Variants in CLPSL1 observed in about 807,000 individuals in gnomAD.
The protein encoded by CLPSL1 is colipase-like protein 1.
A neutral mutation model predicts 9.3 loss-of-function variants in CLPSL1; 13 were observed. That is an observed-to-expected ratio of 1.40 (90% CI 0.91 to 2.22). The LOEUF (loss-of-function observed/expected upper bound fraction) is 2.22, where lower values mean the gene tolerates loss of function less well. Among genes scored for constraint, CLPSL1 ranks in the 30% most tolerant of loss-of-function variants. The pLI is 0.00. For synonymous variants in CLPSL1, 58 were observed against 56.9 expected, an observed-to-expected ratio of 1.02 and a Z score of -0.08; for missense variants, 164 against 146.6, an observed-to-expected ratio of 1.12 and a Z score of -0.61.
rs537996603 is a variant in CLPSL1, at chr6:35,793,251, C to T, written c.82-237C>T. The stretch of plus-strand genomic sequence containing the variant: ...TCAGCCTGGCCAACATGGTGAAACC[C>T]TGTCTCTACTAAAAATGCAAAAAAT... On this transcript the variant is annotated intron_variant, in intron 1 of 1. Transcript: ENST00000428710. 2.9e-3 allele frequency among the ~76,000 whole-genome samples: 440 copies of T among 152,300 alleles called. 3 individuals are homozygous for T. The highest frequency in any genetic ancestry group is 9.6e-3 in the African/African-American group (397 of 41,550).
chr6:35,792,078 T>C (rs903014890), downstream of CLPSL1, among the ~76,000 whole-genome samples: 20 of 147,694 alleles, frequency 1.4e-4, no homozygotes, highest in Non-Finnish European at 2.6e-4. Flanking sequence ...AGAGACAGAC[T>C]CCATCTTCCC....
Position 35,786,903 on chromosome 6 carries a change from C to T in CLPSL1, c.100-95C>T, listed in dbSNP as rs368347228. 6 of 1,443,244 alleles carry T rather than the reference C, an allele frequency of 4.2e-6. No individual in the cohort carries two copies. The East Asian group carries it at 1.2e-4, about 30-fold the overall frequency. 89.4% of individuals were successfully genotyped at this position (1,443,244 alleles called of 1,614,324 possible). A position where few individuals can be genotyped will look rare whatever the true frequency, so the allele number is the denominator to read the frequency against. ...CCAGAGGTGATGGTGGGAGCAGAGT[C>T]TGGGGAGGAGCCCCGTAGGGAGAAA... is the stretch of plus-strand genomic sequence containing the variant. On this transcript the variant is annotated intron_variant, in intron 1 of 2. Transcript: ENST00000373861.
At chr6:35,790,759 G>C (rs1467292136), downstream of CLPSL1, among the ~76,000 whole-genome samples, 2 of 152,268 alleles carry the variant, frequency 1.3e-5, no homozygotes, top group African/African-American at 4.8e-5. Context: ...AAACTCCTGG[G>C]AGGGGGATTT....
At chr6:35,788,412 G>A (rs1036377798), downstream of CLPSL1, among the ~76,000 whole-genome samples, 2 of 152,212 alleles carry the variant, frequency 1.3e-5, no homozygotes, top group African/African-American at 4.8e-5. Flanking sequence ...CCAGTTCCAC[G>A]ACCTTAAATT....
At chr6:35,789,367 T>C (rs1398124754), downstream of CLPSL1, among the ~76,000 whole-genome samples, 3 of 152,256 alleles carry the variant, frequency 2.0e-5, no homozygotes, top group Non-Finnish European at 4.4e-5. Context: ...CAATAAATGG[T>C]GTTGGGAAAA....
At chr6:35,784,330 T>C (rs1215412739) in intron 1 of CLPSL1, among the ~76,000 whole-genome samples, 1 of 152,198 alleles carries the variant, frequency 6.6e-6, no homozygotes, top group African/African-American at 2.4e-5. Context: ...CCTCCAGTAA[T>C]AGGCTTCATA....
At chr6:35,789,230 A>G (rs80203633), downstream of CLPSL1, among the ~76,000 whole-genome samples, 111 of 152,376 alleles carry the variant, frequency 7.3e-4, 1 homozygote, top group East Asian at 0.02. Context: ...TCCCAAGGAT[A>G]CCCAATGTCA....
chr6:35,785,424 G>C (rs928510360), intron 1 of CLPSL1, among the ~76,000 whole-genome samples: 1 of 151,924 alleles, frequency 6.6e-6, no homozygotes. Flanking sequence ...TGATCTGCCC[G>C]CCTCGGCCTC....
chr6:35,792,883 GCTC>G (rs1442843231), downstream of CLPSL1, among the ~76,000 whole-genome samples: 1 of 152,248 alleles, frequency 6.6e-6, no homozygotes, highest in African/African-American at 2.4e-5. Context: ...GGTATTGAAA[GCTC>G]CTCTTGTTGA....
At chr6:35,786,918 G>A (rs1768085499) in intron 1 of CLPSL1, 80 bp from the exon 2 acceptor site, 10 of 1,507,080 alleles carry the variant, frequency 6.6e-6, no homozygotes, top group South Asian at 2.4e-5. Flanking sequence ...GAGGAGCCCC[G>A]TAGGGAGAAA....
intron 1 of CLPSL1, among the ~76,000 whole-genome samples, chr6:35,793,299 C>T (rs1768257006): frequency 6.6e-6 from 1 of 152,216 alleles, no homozygotes. Context: ...GTGGCAGGCG[C>T]CTGTAGTCCC....
downstream of CLPSL1, among the ~76,000 whole-genome samples, chr6:35,792,114 T>C (rs1308771095): frequency 6.6e-6 from 1 of 151,820 alleles, no homozygotes; most frequent in African/African-American, 2.4e-5. Flanking sequence ...AATAAATAAA[T>C]AAATAAATAA....
intron 1 of CLPSL1, among the ~76,000 whole-genome samples, chr6:35,781,702 T>TG (rs766375536): frequency 8.0e-5 from 12 of 149,304 alleles, no homozygotes; most frequent in Admixed American, 5.4e-4. Context: ...GCTGTGGGAG[T>TG]GGTGGTGTGA....
rs190352344 is a variant in CLPSL1 at position 35,783,226 on chromosome 6, T to C, written c.99+2017T>C. Among the ~76,000 whole-genome samples the C allele has an allele frequency of 2.1e-3, 320 of 152,270 alleles. 4 individuals are homozygous for C. Among genetic ancestry groups the C allele is most frequent in the East Asian group, 1.7e-3 (9 of 5,182 alleles). ...ACAGTATGTACTTTTAAAAAAAAAT[T>C]TGGGCCAGGCGCAGTGGCTCACGCC... On this transcript the variant is annotated intron_variant, in intron 1 of 2. Transcript: ENST00000373861.
chr6:35,787,063 C>G lies in CLPSL1; in HGVS notation c.165C>G (p.Asp55Glu). 1 of 1,606,570 alleles carries G rather than the reference C, an allele frequency of 6.2e-7. No homozygotes were observed. The highest frequency in any genetic ancestry group is 1.1e-5 in the South Asian group (1 of 89,096). ...CTGGCTGCTGCCAACGTGCTCCAGA[C>G]AATTGCGAGTCGCACTGCGCGGAGA... ...CETGCCQRAP[D>E]NCESHCAEKG... Residue 55 changes from aspartate to glutamate, a missense_variant, in exon 2 of 3, where the codon GAC becomes GAG. Asp to Glu is a conservative substitution (Grantham distance 45, BLOSUM62 2). Transcript: ENST00000373861.
chr6:35,788,683 C>T (rs1026754052), downstream of CLPSL1, among the ~76,000 whole-genome samples: 2 of 152,052 alleles, frequency 1.3e-5, no homozygotes, highest in Non-Finnish European at 2.9e-5. Flanking sequence ...AAAAGAGGGA[C>T]AAGAAAAGAA....
At chr6:35,788,173 C>G, downstream of CLPSL1, 1 of 466,102 alleles carries the variant, frequency 2.1e-6, no homozygotes, top group South Asian at 1.6e-5. Flanking sequence ...AGAGTTGGGG[C>G]CTGGGTGGGC....
chr6:35,787,929 G>C lies in CLPSL1; in HGVS notation c.285G>C (p.Lys95Asn). The C allele has an allele frequency of 6.2e-7, 1 of 1,611,996 alleles. No homozygotes were observed. Among genetic ancestry groups the C allele is most frequent in the Non-Finnish European group, 8.5e-7 (1 of 1,178,044 alleles). ...CLRNLTCIYS[K>N]NEKWLSIAYG... is the part of the protein sequence containing the mutation. The stretch of plus-strand genomic sequence containing the variant: ...GGAACCTGACTTGTATATATTCAAA[G>C]AATGAGAAATGGCTTAGCATCGCCT... Residue 95 changes from lysine to asparagine, a missense_variant, in exon 3 of 3, where the codon AAG (lysine) becomes AAC (asparagine). Coordinates refer to ENST00000373861, the MANE Select transcript of CLPSL1 (RefSeq NM_001010886.5).
At chr6:35,787,368 G>A (rs916623403) in intron 2 of CLPSL1, among the ~76,000 whole-genome samples, 1 of 152,274 alleles carries the variant, frequency 6.6e-6, no homozygotes, top group African/African-American at 2.4e-5. Context: ...TCTAATGTGG[G>A]TTCACATTCT....
Sources: allele counts gnomAD v4.1 joint callset (sites outside exome capture counted in the v4.1 genomes callset), GRCh38; gene constraint gnomAD v4.1.1; transcripts MANE v1.5; gene names NCBI Gene and HGNC (gene_info 2026-07-23, HGNC 2026-07-21).